The following IFT74 variants were observed in gnomAD, a reference collection of about 807,000 sequenced individuals.
IFT74 encodes intraflagellar transport protein 74 homolog.
In IFT74, 92 loss-of-function variants were observed where a neutral mutation model predicts 96.7. The observed-to-expected ratio is 0.95, with a 90% CI of 0.80 to 1.13. IFT74 has a LOEUF of 1.13. Among genes scored for constraint, IFT74 ranks in the 50% most tolerant of loss-of-function variants. The pLI is 0.00. For missense variants in IFT74, 811 were observed against 698.2 expected, an observed-to-expected ratio of 1.16 and a Z score of -1.82; for synonymous variants, 223 against 213.2, an observed-to-expected ratio of 1.05 and a Z score of -0.40.
chr9:26,986,874 C>T (rs1827662802), intron 6 of IFT74, among the ~76,000 whole-genome samples: 1 of 151,982 alleles, frequency 6.6e-6, no homozygotes, highest in African/African-American at 2.4e-5. Context: ...CCTCCTGCTT[C>T]AGCTTCCCAA....
intron 16 of IFT74, among the ~76,000 whole-genome samples, chr9:27,050,088 A>T (rs1238697712): frequency 1.3e-5 from 2 of 151,998 alleles, no homozygotes. Context: ...ACAGGGTCTC[A>T]CTCTCATTGC....
intron 13 of IFT74, chr9:27,036,683 GA>G (rs971267912): frequency 2.6e-3 from 3,075 of 1,169,580 alleles, no homozygotes; most frequent in East Asian, 7.5e-3. Context: ...TTGCTTCTGT[GA>G]AAAAAAAAAG....
Position 27,021,458 on chromosome 9 carries a change from A to T in IFT74, c.974+2771A>T, listed in dbSNP as rs143691826. 8.0e-3 allele frequency among the ~76,000 whole-genome samples: 1,217 copies of T among 152,320 alleles called. 16 individuals carry two copies. The highest frequency in any genetic ancestry group is 0.028 in the African/African-American group (1,145 of 41,572). ...ACTTTATATTTCCACAAGCAGTGTA[A>T]AAGTGTTCCCTTTTCACCACATCCA... On this transcript the variant is annotated intron_variant, in intron 12 of 19. Transcript: ENST00000380062.
At chr9:26,989,444 G>A (rs1329937011) in intron 7 of IFT74, among the ~76,000 whole-genome samples, 1 of 152,070 alleles carries the variant, frequency 6.6e-6, no homozygotes, top group African/African-American at 2.4e-5. Context: ...AGCTTATTTT[G>A]ATTATAAGCA....
At chr9:27,004,033 C>T (rs754018707) in intron 8 of IFT74, among the ~76,000 whole-genome samples, 26 of 151,614 alleles carry the variant, frequency 1.7e-4, no homozygotes, top group Admixed American at 5.9e-4. Context: ...TGTTTTTTTT[C>T]CAGAAACAAA....
intron 9 of IFT74, among the ~76,000 whole-genome samples, chr9:27,010,028 C>T (rs1051612165): frequency 1.0e-4 from 15 of 150,310 alleles, no homozygotes; most frequent in Non-Finnish European, 2.1e-4. Flanking sequence ...CTCGCTCTGT[C>T]GCCCAGGCTG....
chr9:27,013,954 G>A (rs984834199), intron 10 of IFT74, among the ~76,000 whole-genome samples: 1 of 152,172 alleles, frequency 6.6e-6, no homozygotes, highest in Non-Finnish European at 1.5e-5. Context: ...GGTGGCTCAC[G>A]CCTGTAATCC....
intron 4 of IFT74, among the ~76,000 whole-genome samples, chr9:26,981,702 G>A (rs968233719): frequency 2.0e-5 from 3 of 151,816 alleles, no homozygotes; most frequent in Admixed American, 2.0e-4. Context: ...TTACAGGCAT[G>A]AGCCACCGCG....
At chr9:27,033,573 CAAAAA>C (rs558712485) in intron 13 of IFT74, among the ~76,000 whole-genome samples, 1 of 66,276 alleles carries the variant, frequency 1.5e-5, no homozygotes. Context: ...GACCCTGTCT[CAAAAA>C]AAAAAAAAAA....
At chr9:27,015,045 A>G (rs916813090) in intron 10 of IFT74, among the ~76,000 whole-genome samples, 3 of 152,246 alleles carry the variant, frequency 2.0e-5, no homozygotes, top group African/African-American at 7.2e-5. Context: ...TCAGTTCACA[A>G]GAGTGGAAAA....
chr9:26,971,660 A>G (rs2131507926), intron 2 of IFT74, among the ~76,000 whole-genome samples: 1 of 152,274 alleles, frequency 6.6e-6, no homozygotes, highest in Non-Finnish European at 1.5e-5. Context: ...TATTTCCTTG[A>G]CTTGGGAAGG....
chr9:27,006,600 A>T (rs1828790574), intron 8 of IFT74, among the ~76,000 whole-genome samples: 1 of 149,968 alleles, frequency 6.7e-6, no homozygotes, highest in Admixed American at 6.7e-5. Context: ...GTCAAGAAAG[A>T]AAGACAGAAA....
chr9:26,953,641 C>T (rs1327989097), upstream of IFT74, among the ~76,000 whole-genome samples: 2 of 152,042 alleles, frequency 1.3e-5, no homozygotes, highest in Non-Finnish European at 2.9e-5. Context: ...AATGATGTCA[C>T]TCCTCAAAGT....
intron 13 of IFT74, among the ~76,000 whole-genome samples, chr9:27,043,418 G>A (rs1819558412): frequency 6.6e-6 from 1 of 152,176 alleles, no homozygotes; most frequent in Admixed American, 6.6e-5. Context: ...ATGCACAGAT[G>A]GAGGTTCATG....
At chr9:27,034,912 G>A (rs182236092) in intron 13 of IFT74, among the ~76,000 whole-genome samples, 54 of 152,270 alleles carry the variant, frequency 3.5e-4, no homozygotes, top group Admixed American at 2.8e-3. Flanking sequence ...TCTTGGACAT[G>A]CTATTTATGC....
intron 2 of IFT74, among the ~76,000 whole-genome samples, chr9:26,971,380 C>A (rs933054254): frequency 2.0e-5 from 3 of 152,078 alleles, no homozygotes; most frequent in Non-Finnish European, 4.4e-5. Flanking sequence ...ACTCTGAAAA[C>A]CACATCGCAC....
At chr9:27,011,168 G>T (rs150046811) in intron 9 of IFT74, among the ~76,000 whole-genome samples, 3 of 152,070 alleles carry the variant, frequency 2.0e-5, no homozygotes, top group Non-Finnish European at 4.4e-5. Context: ...CAGGTACTTG[G>T]TTGATCCCGG....
intron 1 of IFT74, among the ~76,000 whole-genome samples, chr9:26,959,089 T>TTTGTTG (rs60936250): frequency 0.019 from 2,803 of 150,622 alleles, 27 homozygotes; most frequent in Middle Eastern, 0.027. Flanking sequence ...AGCTATTCTT[T>TTTGTTG]TTGTTGTTGT....
At chr9:26,947,269 G>A (rs940880498) in intron 1 of IFT74, 2 of 544,248 alleles carry the variant, frequency 3.7e-6, no homozygotes, top group Non-Finnish European at 6.4e-6. Flanking sequence ...TTCATCATCG[G>A]CCTCAGCCCT....
Sources: allele counts gnomAD v4.1 joint callset (sites outside exome capture counted in the v4.1 genomes callset), GRCh38; gene constraint gnomAD v4.1.1; transcripts MANE v1.5; gene names NCBI Gene and HGNC (gene_info 2026-07-23, HGNC 2026-07-21).